The following MTA3 variants were observed in gnomAD, a reference collection of about 807,000 sequenced individuals.
MTA3 encodes metastasis associated 1 family member 3.
A neutral mutation model predicts 83.5 loss-of-function variants in MTA3; 34 were observed. The observed-to-expected ratio is 0.41, with a 90% CI of 0.31 to 0.54. MTA3 has a LOEUF of 0.54. MTA3 is among the 20% of genes least tolerant of loss of function. MTA3 has a pLI of 0.33. For missense variants in MTA3, 761 were observed against 726.4 expected, an observed-to-expected ratio of 1.05 and a Z score of -0.55; for synonymous variants, 303 against 252.7, an observed-to-expected ratio of 1.20 and a Z score of -1.89.
intron 9 of MTA3, among the ~76,000 whole-genome samples, chr2:42,694,438 G>C (rs574594102): frequency 1.3e-5 from 2 of 152,144 alleles, no homozygotes. Context: ...AGTTCCAACC[G>C]ATAGGATAGG....
At chr2:42,618,179 C>T (rs984356213) in intron 4 of MTA3, among the ~76,000 whole-genome samples, 21 of 151,910 alleles carry the variant, frequency 1.4e-4, no homozygotes, top group African/African-American at 5.1e-4. Context: ...AACACTTGGC[C>T]TCATGTAATC....
At chr2:42,622,954 AAAAT>A (rs1245097176) in intron 4 of MTA3, among the ~76,000 whole-genome samples, 2 of 152,256 alleles carry the variant, frequency 1.3e-5, no homozygotes, top group Non-Finnish European at 2.9e-5. Context: ...AGTGAATTGA[AAAAT>A]AAACCAATGA....
intron 4 of MTA3, among the ~76,000 whole-genome samples, chr2:42,624,832 C>T (rs930129937): frequency 5.9e-5 from 9 of 151,932 alleles, no homozygotes; most frequent in African/African-American, 2.2e-4. Context: ...AGATGTTTAC[C>T]CCATTGTCAT....
chr2:42,566,716 A>G (rs1352537280), upstream of MTA3, among the ~76,000 whole-genome samples: 2 of 152,248 alleles, frequency 1.3e-5, no homozygotes, highest in Non-Finnish European at 2.9e-5. Flanking sequence ...TGAATTAACA[A>G]AAACAGGGAA....
intron 16 of MTA3, chr2:42,752,237 A>C (rs1669928754): frequency 6.4e-6 from 3 of 471,472 alleles, no homozygotes; most frequent in Non-Finnish European, 1.3e-5. Context: ...ATCCTAGAAA[A>C]GCTCATGAAG....
At chr2:42,638,966 T>G (rs1687447964) in intron 4 of MTA3, among the ~76,000 whole-genome samples, 1 of 151,856 alleles carries the variant, frequency 6.6e-6, no homozygotes, top group African/African-American at 2.4e-5. Context: ...TGTTAGCACT[T>G]TTAGTATTTT....
At chr2:42,705,807 A>C (rs1199366378) in intron 12 of MTA3, among the ~76,000 whole-genome samples, 1 of 152,140 alleles carries the variant, frequency 6.6e-6, no homozygotes, top group African/African-American at 2.4e-5. Flanking sequence ...CATGATGAAT[A>C]AGCTATTTTT....
chr2:42,600,369 C>T (rs1682410055), intron 3 of MTA3, among the ~76,000 whole-genome samples: 1 of 152,068 alleles, frequency 6.6e-6, no homozygotes, highest in Non-Finnish European at 1.5e-5. Context: ...AATCCTTTAC[C>T]CTCCAACTGA....
intron 2 of MTA3, among the ~76,000 whole-genome samples, chr2:42,561,110 G>A (rs944366147): frequency 6.6e-6 from 1 of 152,078 alleles, no homozygotes; most frequent in African/African-American, 2.4e-5. Context: ...GCTGCTTCCT[G>A]ATGTGGGGAA....
At chr2:42,714,798 G>T (rs548368363) in intron 14 of MTA3, among the ~76,000 whole-genome samples, 1 of 152,316 alleles carries the variant, frequency 6.6e-6, no homozygotes, top group South Asian at 2.1e-4. Context: ...CTCATAAGGA[G>T]CAGGCAATCT....
intron 14 of MTA3, among the ~76,000 whole-genome samples, chr2:42,716,754 C>T (rs1667058539): frequency 6.6e-6 from 1 of 152,186 alleles, no homozygotes. Flanking sequence ...TAGGTTGATT[C>T]CATGTCTTTA....
chr2:42,614,017 T>C (rs955525889), intron 4 of MTA3: 2 of 152,238 alleles, frequency 1.3e-5, no homozygotes, highest in African/African-American at 4.8e-5. Context: ...AGCCTTGTTA[T>C]GTCAGCTGCT....
At chr2:42,644,923 G>A (rs1446205346) in intron 6 of MTA3, among the ~76,000 whole-genome samples, 1 of 152,022 alleles carries the variant, frequency 6.6e-6, no homozygotes, top group African/African-American at 2.4e-5. Flanking sequence ...CAACAATATT[G>A]AACTTAAGCC....
intron 4 of MTA3, among the ~76,000 whole-genome samples, chr2:42,621,216 G>A (rs1013132158): frequency 6.6e-6 from 1 of 151,934 alleles, no homozygotes; most frequent in African/African-American, 2.4e-5. Flanking sequence ...ATAGTGGAGG[G>A]AAGGTCAGCA....
chr2:42,669,083 ATTTT>A (rs761988223), intron 8 of MTA3, among the ~76,000 whole-genome samples: 2 of 130,748 alleles, frequency 1.5e-5, no homozygotes. Context: ...GAAAATACAG[ATTTT>A]TTTTTTTTTT....
chr2:42,754,919 G>T lies in MTA3; in HGVS notation c.*1520G>T. On this transcript the variant is annotated 3_prime_UTR_variant, in exon 17 of 17. Coordinates refer to ENST00000405094, the MANE Select transcript of MTA3 (RefSeq NM_001330442.2). ...GCAGACATCTCAGCTTCTTTTCTGA[G>T]GAGGAGTTGGTTCTCATCTTAGGCT... The T allele has an allele frequency of 4.1e-6, 4 of 985,586 alleles. No individual in the cohort carries two copies. The highest frequency in any genetic ancestry group is 4.8e-6 in the Non-Finnish European group (4 of 830,062). 61.1% of individuals were successfully genotyped at this position (985,586 alleles called of 1,614,324 possible).
chr2:42,530,645 C>T (rs1278846910), intron 2 of MTA3, among the ~76,000 whole-genome samples: 2 of 151,480 alleles, frequency 1.3e-5, no homozygotes, highest in South Asian at 2.1e-4. Flanking sequence ...ATTAGCTGGG[C>T]GTAGTGGCGC....
intron 2 of MTA3, among the ~76,000 whole-genome samples, chr2:42,553,043 G>A (rs1677193085): frequency 6.6e-6 from 1 of 151,898 alleles, no homozygotes; most frequent in African/African-American, 2.4e-5. Flanking sequence ...TTGGAAGGCC[G>A]AGGCAAGAGG....
intron 12 of MTA3, 110 bp downstream of exon 12, chr2:42,704,428 G>A (rs1004710976): frequency 1.5e-6 from 2 of 1,304,070 alleles, no homozygotes; most frequent in Admixed American, 4.4e-5. Flanking sequence ...GAAGGCACAA[G>A]CATGTCTCCT....
Sources: gnomAD v4.1 joint callset for allele counts (sites outside exome capture counted in the v4.1 genomes callset) on GRCh38, gnomAD v4.1.1 for gene constraint, MANE v1.5 for transcripts, NCBI Gene and HGNC (gene_info 2026-07-23, HGNC 2026-07-21) for gene names.